The following WDFY4 variants were observed in gnomAD, a reference collection of about 807,000 sequenced individuals.
WDFY4 encodes the protein WDFY family member 4.
Under a neutral mutation model 351.9 loss-of-function variants are expected in WDFY4, and 169 were observed. The observed-to-expected ratio is 0.48, with a 90% CI of 0.42 to 0.55. The LOEUF (loss-of-function observed/expected upper bound fraction) is 0.55, where lower values mean the gene tolerates loss of function less well. Among genes scored for constraint, WDFY4 ranks in the 20% least tolerant of loss-of-function variants. The probability of loss-of-function intolerance (pLI) is 0.00; values close to 1 mark genes in which losing one functional copy is unlikely to be tolerated. For synonymous variants in WDFY4, 1,622 were observed against 1,574.6 expected (o/e 1.03, Z -0.71); for missense variants, 3,803 against 3,935.6 (o/e 0.97, Z 0.90).
At chr10:48,910,954 A>G (rs1300883483) in intron 47 of WDFY4, 2 of 976,600 alleles carry the variant, frequency 2.0e-6, no homozygotes, top group Non-Finnish European at 2.4e-6. Context: ...CTAAGGAGGG[A>G]AAATTAATTC....
At chr10:48,963,694 C>T in intron 53 of WDFY4, 148 bp from the exon 54 acceptor site, 2 of 905,958 alleles carry the variant, frequency 2.2e-6, no homozygotes, top group Non-Finnish European at 3.3e-6. Context: ...CATCCTGCCT[C>T]TTTGTGCTCA....
In WDFY4 at chr10:48,802,403, G is replaced by T. The variant is rs185841876; in HGVS notation, c.4411-883G>T. 5.8e-3 allele frequency among the ~76,000 whole-genome samples: 884 copies of T among 152,196 alleles called. 12 individuals are homozygous for T. The highest frequency in any genetic ancestry group is 0.02 in the African/African-American group (832 of 41,520). The stretch of plus-strand genomic sequence containing the variant: ...ACATAAATGCGGATAATAATATTTT[G>T]GGTCTTTTTATGGCACCTCTTGCCA... On this transcript the variant is annotated intron_variant, in intron 24 of 61. Coordinates refer to ENST00000325239, the MANE Select transcript of WDFY4 (RefSeq NM_001394531.1).
intron 47 of WDFY4, among the ~76,000 whole-genome samples, chr10:48,917,668 G>C (rs1244633519): frequency 6.6e-6 from 1 of 152,110 alleles, no homozygotes; most frequent in Non-Finnish European, 1.5e-5. Context: ...GCAAAATAAA[G>C]ACATTATCAG....
intron 23 of WDFY4, among the ~76,000 whole-genome samples, chr10:48,793,240 A>G (rs981905552): frequency 2.6e-5 from 4 of 152,210 alleles, no homozygotes; most frequent in African/African-American, 9.6e-5. Context: ...GGACAGAAAA[A>G]TACTGTTAGC....
chr10:48,770,949 G>T (rs373292167), intron 13 of WDFY4, among the ~76,000 whole-genome samples: 1 of 152,192 alleles, frequency 6.6e-6, no homozygotes, highest in Non-Finnish European at 1.5e-5. Flanking sequence ...AGCCTGGGAA[G>T]GATGTCCCCC....
chr10:48,917,279 A>C (rs954856488), intron 47 of WDFY4, among the ~76,000 whole-genome samples: 1 of 152,210 alleles, frequency 6.6e-6, no homozygotes, highest in Non-Finnish European at 1.5e-5. Flanking sequence ...TGATACCTAT[A>C]CTTACACCTG....
rs191084432 is a variant in WDFY4 at position 48,786,019 on chromosome 10, A to G, written c.3577-620A>G. Among the ~76,000 whole-genome samples the G allele has an allele frequency of 1.4e-4, 22 of 152,258 alleles. No individual in the cohort carries two copies. In the East Asian group the frequency reaches 4.2e-3, roughly 29 times the overall value. On this transcript the variant is annotated intron_variant, in intron 19 of 61. Coordinates refer to ENST00000325239, the MANE Select transcript of WDFY4 (RefSeq NM_001394531.1). ...TCTCCATTTATATAGGTCGTCTTGG[A>G]CTTTTTCCATCATCACTTAGGAATT...
intron 7 of WDFY4, among the ~76,000 whole-genome samples, chr10:48,728,458 A>T (rs943997421): frequency 1.3e-5 from 2 of 152,200 alleles, no homozygotes; most frequent in South Asian, 2.1e-4. Flanking sequence ...GCAAGGCCAC[A>T]TACTTTCCCT....
At chr10:48,804,997 T>C (rs950187260) in intron 25 of WDFY4, among the ~76,000 whole-genome samples, 2 of 152,072 alleles carry the variant, frequency 1.3e-5, no homozygotes, top group Admixed American at 6.6e-5. Context: ...GGGCTCAGAA[T>C]TTAAAAGTCA....
chr10:48,793,577 T>A (rs1304069275), intron 23 of WDFY4, among the ~76,000 whole-genome samples: 2 of 152,238 alleles, frequency 1.3e-5, no homozygotes, highest in Non-Finnish European at 2.9e-5. Flanking sequence ...TCTCGCTTTG[T>A]GTTTCTTTGT....
chr10:48,724,652 G>C (rs2064204236), intron 5 of WDFY4, among the ~76,000 whole-genome samples: 2 of 152,012 alleles, frequency 1.3e-5, no homozygotes, highest in South Asian at 2.1e-4. Context: ...ATTGCTCAAG[G>C]GTTTCTGTTA....
At chr10:48,721,143 AGAT>A in intron 3 of WDFY4, 115 bp from the exon 4 acceptor site, 2 of 938,146 alleles carry the variant, frequency 2.1e-6, no homozygotes, top group Non-Finnish European at 3.3e-6. Context: ...TGTGTAGGCA[AGAT>A]GCCAAAGTCC....
intron 47 of WDFY4, chr10:48,914,043 C>T: frequency 6.2e-7 from 1 of 1,614,156 alleles, no homozygotes; most frequent in Non-Finnish European, 8.5e-7. Context: ...GGTGGTAATT[C>T]CCATCTTGCT....
intron 39 of WDFY4, among the ~76,000 whole-genome samples, chr10:48,866,325 C>A (rs1042718475): frequency 1.3e-5 from 2 of 151,842 alleles, no homozygotes; most frequent in African/African-American, 4.8e-5. Context: ...CTTTTGATTT[C>A]TTCTTTGACC....
chr10:48,734,811 C>G (rs371321003), intron 10 of WDFY4, among the ~76,000 whole-genome samples: 1 of 150,814 alleles, frequency 6.6e-6, no homozygotes, highest in African/African-American at 2.4e-5. Context: ...GAGTCTCACT[C>G]TGTCACCAGG....
At chr10:48,900,422 C>T (rs1837297056) in intron 46 of WDFY4, 116 bp downstream of exon 46, 2 of 964,550 alleles carry the variant, frequency 2.1e-6, no homozygotes, top group Admixed American at 5.5e-5. Context: ...GTGAACGCCA[C>T]TCAGGCTGGG....
In WDFY4 at chr10:48,832,677, C is replaced by T. The variant is rs12761517; in HGVS notation, c.6631C>T (p.Arg2211Trp). ...CTCAGCCATGAAGCTGATGCCCGGG[C>T]GGCAGGCCAAGGACCCTGAGTGCAA... ...LSSAMKLMPGRQAKDPECKTE... is the reference protein window; with the variant it reads ...LSSAMKLMPGWQAKDPECKTE... The change falls in exon 39 of 62, where the codon CGG becomes TGG. Residue 2211 changes from arginine (R) to tryptophan (W), a missense_variant. Physicochemically the swap from Arg to Trp is moderately radical, Grantham distance 101. Around this residue, in one of 3 missense-constraint regions of WDFY4, gnomAD observed 3,054 missense variants for 3,148.6 expected, o/e 0.97. Transcript: ENST00000325239. 8.6e-5 allele frequency: 134 copies of T among 1,549,564 alleles called. No individual in the cohort carries two copies. Among genetic ancestry groups the T allele is most frequent in the South Asian group, 2.6e-4 (22 of 83,516 alleles).
chr10:48,766,519 G>T (rs1565173854), intron 13 of WDFY4, among the ~76,000 whole-genome samples: 2 of 152,178 alleles, frequency 1.3e-5, no homozygotes, highest in African/African-American at 4.8e-5. Flanking sequence ...GAGCCCAGGA[G>T]GTTGATGCTG....
chr10:48,757,382 G>A lies in WDFY4; in HGVS notation c.2460-2965G>A, dbSNP rs1589532962. Among the ~76,000 whole-genome samples, 4 of 151,958 alleles carry A rather than the reference G, an allele frequency of 2.6e-5. No individual in the cohort carries two copies. In the South Asian group the frequency reaches 6.2e-4, roughly 24 times the overall value. ...TCATATCATATAATCTGTTTATTAT[G>A]AGTCATTTTCCTTGCTCTAAAGTCT... On this transcript the variant is annotated intron_variant, in intron 12 of 61. Transcript: ENST00000325239.
Sources: gnomAD v4.1 joint callset for allele counts (sites outside exome capture counted in the v4.1 genomes callset) on GRCh38, gnomAD v4.1.1 for gene constraint, gnomAD v4.1.1 regional missense constraint, MANE v1.5 for transcripts, NCBI Gene and HGNC (gene_info 2026-07-23, HGNC 2026-07-21) for gene names.